Variants in C8orf74 observed in about 807,000 individuals in gnomAD.
C8orf74 encodes the protein uncharacterized protein C8orf74.
In C8orf74, 29 loss-of-function variants were observed where a neutral mutation model predicts 22.2. The ratio of observed to expected loss-of-function variants is 1.31; its 90% CI spans 0.97 to 1.78. The LOEUF is 1.78. Ranked by LOEUF, C8orf74 falls within the 40% of genes most tolerant of loss-of-function variation. The pLI is 0.00. For missense variants in C8orf74, 515 were observed against 369.9 expected (o/e 1.39, Z -3.22); for synonymous variants, 255 against 163.1 (o/e 1.56, Z -4.30).
Position 10,697,877 on chromosome 8 carries a change from G to T in C8orf74, c.520G>T (p.Ala174Ser), listed in dbSNP as rs762796553. 1.9e-6 allele frequency: 3 copies of T among 1,612,880 alleles called. No individual in the cohort carries two copies. In the South Asian group the frequency reaches 3.3e-5, roughly 18 times the overall value. ...HEQQVATLTE[A>S]EAQKRADVLL... is the part of the protein sequence containing the mutation. ...GCAGCAGGTGGCCACACTGACGGAG[G>T]CCGAGGCACAGAAGCGCGCCGACGT... Residue 174 changes from alanine (A) to serine (S), a missense_variant, in exon 3 of 4, where the codon GCC becomes TCC. Coordinates refer to ENST00000304519, the MANE Select transcript of C8orf74 (RefSeq NM_001040032.2).
At chr8:10,691,179 C>T (rs1031582064) in intron 2 of C8orf74, 1 of 343,642 alleles carries the variant, frequency 2.9e-6, no homozygotes, top group African/African-American at 2.1e-5. Context: ...AGCCCAGGGA[C>T]TCCTTCCCTG....
At chr8:10,678,871 A>C (rs947704948) in intron 2 of C8orf74, among the ~76,000 whole-genome samples, 2 of 152,178 alleles carry the variant, frequency 1.3e-5, no homozygotes, top group African/African-American at 4.8e-5. Context: ...CTGAGCCAGG[A>C]GGCTGGCCCA....
At position 10,697,786 on chromosome 8, in the gene C8orf74, G is replaced by T. The variant is rs755524231; in HGVS notation, c.429G>T (p.Glu143Asp). The T allele has an allele frequency of 1.9e-6, 3 of 1,614,038 alleles. No homozygotes were observed. The highest frequency in any genetic ancestry group is 1.7e-5 in the Admixed American group (1 of 60,036). The change falls in exon 3 of 4, where the codon GAG becomes GAT. Residue 143 changes from glutamate to aspartate, a missense_variant. Physicochemically the swap from Glu to Asp is conservative, Grantham distance 45. Transcript: ENST00000304519. Reference sequence around the variant, plus strand: ...TCGACCTGACCGTTGCCCACCTGGAGGTGTGCATGCCACCCCATCCCCTCC... The same window carrying T: ...TCGACCTGACCGTTGCCCACCTGGATGTGTGCATGCCACCCCATCCCCTCC... ...QQVDLTVAHL[E>D]VCMPPHPLPL... is the part of the protein sequence containing the mutation.
At chr8:10,685,821 G>A (rs1261811028) in intron 2 of C8orf74, among the ~76,000 whole-genome samples, 3 of 152,212 alleles carry the variant, frequency 2.0e-5, no homozygotes, top group Non-Finnish European at 2.9e-5. Context: ...TGTAATCCCA[G>A]CACTTTGGGA....
intron 3 of C8orf74, 142 bp from the exon 4 acceptor site, chr8:10,700,093 G>A: frequency 1.9e-6 from 1 of 527,648 alleles, no homozygotes; most frequent in Non-Finnish European, 3.2e-6. Context: ...AGAAGCCAGA[G>A]GTCCAGGCAA....
Position 10,697,951 on chromosome 8 carries a change from G to T in C8orf74, c.594G>T (p.Gln198His). 1 of 1,560,132 alleles carries T rather than the reference G, an allele frequency of 6.4e-7. No homozygotes were observed. ...ALRLERENSLQKAFAAAAPAQ... is the reference protein window; with the variant it reads ...ALRLERENSLHKAFAAAAPAQ... Reference sequence around the variant, plus strand: ...GCCTGGAGCGGGAGAACTCGCTGCAGAAGGCGTTCGCTGCCGCCGCGCCTG... The same window carrying T: ...GCCTGGAGCGGGAGAACTCGCTGCATAAGGCGTTCGCTGCCGCCGCGCCTG... The change falls in exon 3 of 4, where the codon CAG (glutamine) becomes CAT (histidine). Residue 198 changes from glutamine (Q) to histidine (H), a missense_variant. Gln to His is a conservative substitution (Grantham distance 24). Transcript: ENST00000304519.
At chr8:10,698,600 G>A (rs932302232) in intron 3 of C8orf74, among the ~76,000 whole-genome samples, 9 of 152,100 alleles carry the variant, frequency 5.9e-5, no homozygotes, top group Admixed American at 2.6e-4. Context: ...CATTTCCCAT[G>A]ACCAGCTCTT....
Position 10,697,657 on chromosome 8 carries a change from C to T in C8orf74, c.300C>T (p.Gly100=). 1 of 1,613,970 alleles carries T rather than the reference C, an allele frequency of 6.2e-7. No individual in the cohort carries two copies. Among genetic ancestry groups the T allele is most frequent in the Non-Finnish European group, 8.5e-7 (1 of 1,179,872 alleles). ...GGAACAAGCTTAGAGATTACCGGGG[C>T]CATTTCAACACCACCCACCTGCTGG... ...ILGNKLRDYR[G]HFNTTHLLAL... The change falls in exon 3 of 4, where the codon GGC becomes GGT. Residue 100 remains glycine, a synonymous_variant. Coordinates refer to ENST00000304519, the MANE Select transcript of C8orf74 (RefSeq NM_001040032.2).
At chr8:10,674,571 C>G in intron 1 of C8orf74, 75 bp from the exon 2 acceptor site, 1 of 1,106,554 alleles carries the variant, frequency 9.0e-7, no homozygotes, top group Non-Finnish European at 1.2e-6. Flanking sequence ...GCCCCCATAT[C>G]ACACCCCGTA....
At position 10,700,379 on chromosome 8, in the gene C8orf74, A is replaced by AAACCCCCCCCCCAAACC; in HGVS notation, c.793_794insAACCCCCCCCCCAAACC (p.Ile265LysfsTer21). On this transcript the variant is annotated frameshift_variant, in exon 4 of 4. Transcript: ENST00000304519. LOFTEE classifies it low-confidence loss of function (END_TRUNC). ...TCTGAACCTCAACGCCCCCACCCCTATCCCGCCCCCCATCACCAGCCACGC... is the reference window on the plus strand; with the variant it reads ...TCTGAACCTCAACGCCCCCACCCCTAAACCCCCCCCCCAAACCTCCCGCCCCCCATCACCAGCCACGC... The AAACCCCCCCCCCAAACC allele has an allele frequency of 6.3e-7, 1 of 1,592,232 alleles. No homozygotes were observed. The highest frequency in any genetic ancestry group is 8.6e-7 in the Non-Finnish European group (1 of 1,165,980).
At chr8:10,686,855 C>T (rs1799271502) in intron 2 of C8orf74, among the ~76,000 whole-genome samples, 1 of 152,164 alleles carries the variant, frequency 6.6e-6, no homozygotes, top group African/African-American at 2.4e-5. Context: ...ATTCCCCTAC[C>T]CATAACTGGG....
At chr8:10,688,127 C>A (rs137993975) in intron 2 of C8orf74, among the ~76,000 whole-genome samples, 2 of 150,046 alleles carry the variant, frequency 1.3e-5, no homozygotes, top group Non-Finnish European at 2.9e-5. Context: ...ATCACTTGAA[C>A]GTGGGAGGTG....
chr8:10,673,182 C>A lies in C8orf74; in HGVS notation c.48+469C>A, dbSNP rs374814186. 6.6e-5 allele frequency among the ~76,000 whole-genome samples: 10 copies of A among 152,206 alleles called. No individual in the cohort carries two copies. In the East Asian group the frequency reaches 1.7e-3, roughly 26 times the overall value. ...TTGGTCCTCCAGGGTCCCTTGGGGT[C>A]CTCCCAGCCAGAGGATCCCTTGCCT... On this transcript the variant is annotated intron_variant, in intron 1 of 3. Transcript: ENST00000304519.
chr8:10,672,629 G>C lies in C8orf74; in HGVS notation c.-37G>C, dbSNP rs1475828564. On this transcript the variant is annotated 5_prime_UTR_variant, in exon 1 of 4. Coordinates refer to ENST00000304519, the MANE Select transcript of C8orf74 (RefSeq NM_001040032.2). ...CCAGGGTTCCGGAAACTCTGAGTCA[G>C]TCTGGCTCCGTCTCCTGGCAACCAG... 1.3e-6 allele frequency: 2 copies of C among 1,554,124 alleles called. No homozygotes were observed. The highest frequency in any genetic ancestry group is 1.7e-6 in the Non-Finnish European group (2 of 1,148,024).
In C8orf74 at chr8:10,697,702, C is replaced by T; in HGVS notation, c.345C>T (p.His115=). Residue 115 remains histidine, a synonymous_variant, in exon 3 of 4, where the codon CAC becomes CAT. Coordinates refer to ENST00000304519, the MANE Select transcript of C8orf74 (RefSeq NM_001040032.2). The part of the protein sequence containing the change: ...THLLALCDYF[H]HTFIRHYKLY... ...TGCTGGCCCTCTGTGACTACTTCCA[C>T]CACACCTTCATCCGCCACTACAAAC... The T allele has an allele frequency of 9.9e-6, 16 of 1,614,022 alleles. No individual in the cohort carries two copies. Among genetic ancestry groups the T allele is most frequent in the Non-Finnish European group, 1.4e-5 (16 of 1,179,898 alleles).
At chr8:10,675,046 C>T (rs559685928) in intron 2 of C8orf74, among the ~76,000 whole-genome samples, 3 of 152,338 alleles carry the variant, frequency 2.0e-5, no homozygotes, top group South Asian at 4.1e-4. Flanking sequence ...CATTGGTCTG[C>T]CTGACTGCAA....
chr8:10,695,680 C>T (rs1799475948), intron 2 of C8orf74, among the ~76,000 whole-genome samples: 2 of 152,164 alleles, frequency 1.3e-5, no homozygotes, highest in African/African-American at 2.4e-5. Flanking sequence ...TCAAAACAAC[C>T]TCGTGGGCAA....
chr8:10,686,217 T>C (rs763314430), intron 2 of C8orf74, among the ~76,000 whole-genome samples: 5 of 152,208 alleles, frequency 3.3e-5, no homozygotes, highest in Non-Finnish European at 4.4e-5. Flanking sequence ...TCCTAAAAAA[T>C]GGCTGTGTTG....
chr8:10,685,525 G>A lies in C8orf74; in HGVS notation c.241+10687G>A, dbSNP rs143442256. Among the ~76,000 whole-genome samples the A allele has an allele frequency of 1.0e-3, 156 of 152,312 alleles. 3 individuals carry two copies. The highest frequency in any genetic ancestry group is 3.3e-3 in the African/African-American group (136 of 41,572). On this transcript the variant is annotated intron_variant, in intron 2 of 3. Transcript: ENST00000304519. ...AGGAACCTTGAAGACATTACGTTAC[G>A]TGAAATAATCTAGATGCAAAAGAAT...
Sources: gnomAD v4.1 joint callset for allele counts (sites outside exome capture counted in the v4.1 genomes callset) on GRCh38, gnomAD v4.1.1 for gene constraint, MANE v1.5 for transcripts, NCBI Gene and HGNC (gene_info 2026-07-23, HGNC 2026-07-21) for gene names.